Variants in BNIP3 observed in about 807,000 individuals in gnomAD.
BNIP3 encodes the protein BCL2 interacting protein 3, also known as BCL2/adenovirus E1B 19 kDa protein-interacting protein 3.
A neutral mutation model predicts 23.9 loss-of-function variants in BNIP3; 16 were observed. The ratio of observed to expected loss-of-function variants is 0.67; its 90% CI spans 0.45 to 1.01. The LOEUF (loss-of-function observed/expected upper bound fraction) is 1.01, where lower values mean the gene tolerates loss of function less well. BNIP3 is among the 50% of genes least tolerant of loss of function. BNIP3 has a pLI of 0.00. For missense variants in BNIP3, 198 were observed against 248.7 expected (o/e 0.80, Z 1.37); for synonymous variants, 81 against 89.3 (o/e 0.91, Z 0.53).
Position 131,970,824 on chromosome 10 carries a change from C to G in BNIP3, c.390-37G>C, listed in dbSNP as rs374254868. The G allele has an allele frequency of 4.0e-5, 65 of 1,614,252 alleles. No homozygotes were observed. In the African/African-American group the frequency reaches 6.0e-4, roughly 15 times the overall value. ...AGAAACGTGTCAGCTGATGTGTCCT[C>G]TGTCAAGGGGTGCCCCCGTGACACT... On this transcript the variant is annotated intron_variant, in intron 4 of 5. Coordinates refer to ENST00000368636, the MANE Select transcript of BNIP3 (RefSeq NM_004052.4). The surrounding 1 kb of genome is among the most constrained non-coding windows in gnomAD (Gnocchi z 4.1).
chr10:131,973,055 A>C lies in BNIP3; in HGVS notation c.261T>G (p.Ile87Met). 6.2e-7 allele frequency: 1 copy of C among 1,613,424 alleles called. No individual in the cohort carries two copies. Among genetic ancestry groups the C allele is most frequent in the Non-Finnish European group, 8.5e-7 (1 of 1,179,546 alleles). Residue 87 changes from isoleucine (I) to methionine (M), a missense_variant, in exon 3 of 6, where the codon ATT becomes ATG. Transcript: ENST00000368636. ...TTACCTGTGAGCTGTTTTTCTCTCCAATGCTATGGGTATCTGTTTCAGAAG... is the reference window on the plus strand; with the variant it reads ...TTACCTGTGAGCTGTTTTTCTCTCCCATGCTATGGGTATCTGTTTCAGAAG... ...NRASETDTHS[I>M]GEKNSSQSEE...
chr10:131,978,739 T>C (rs1264740141), intron 1 of BNIP3, among the ~76,000 whole-genome samples: 1 of 151,816 alleles, frequency 6.6e-6, no homozygotes, highest in African/African-American at 2.4e-5. Context: ...TCCAGGCAAA[T>C]AGATTGAAAA....
intron 1 of BNIP3, among the ~76,000 whole-genome samples, chr10:131,978,469 C>A (rs928666325): frequency 1.3e-5 from 2 of 152,110 alleles, no homozygotes; most frequent in African/African-American, 4.8e-5. Flanking sequence ...CAGGGAATCC[C>A]TTCGATTCAC....
rs2037084102 is a variant in BNIP3, at chr10:131,977,157, T to C, written c.47-3214A>G. ...CGTGGTGGGCGCCTGTAATCCCAGC[T>C]ACTCGGGAAGCTGAGGCAGAAGAAT... On this transcript the variant is annotated intron_variant, in intron 1 of 5. Transcript: ENST00000368636. Among the ~76,000 whole-genome samples the C allele has an allele frequency of 4.6e-5, 7 of 151,886 alleles. No individual in the cohort carries two copies. The South Asian group carries it at 1.5e-3, about 32-fold the overall frequency.
At chr10:131,972,514 G>A (rs770313974) in intron 3 of BNIP3, among the ~76,000 whole-genome samples, 7 of 152,204 alleles carry the variant, frequency 4.6e-5, no homozygotes, top group Non-Finnish European at 8.8e-5. Flanking sequence ...TGTAATTTCC[G>A]GCAGGTAGTG....
intron 3 of BNIP3, chr10:131,971,229 A>G: frequency 2.1e-6 from 1 of 487,254 alleles, no homozygotes. Flanking sequence ...GCGTAAATAC[A>G]TTTGGTTCAC....
chr10:131,969,753 G>C (rs1461494093), intron 5 of BNIP3: 1 of 152,146 alleles, frequency 6.6e-6, no homozygotes, highest in Non-Finnish European at 1.5e-5. Flanking sequence ...CCTCCTCCCC[G>C]CTGAGAGGCT....
rs2037121816 is a variant in BNIP3 at position 131,981,833 on chromosome 10, G to A, written c.-27C>T. 5.5e-6 allele frequency: 8 copies of A among 1,441,468 alleles called. No homozygotes were observed. The highest frequency in any genetic ancestry group is 3.0e-5 in the East Asian group (1 of 33,664). 89.3% of individuals were successfully genotyped at this position (1,441,468 alleles called of 1,614,324 possible). A position where few individuals can be genotyped will look rare whatever the true frequency, so the allele number is the denominator to read the frequency against. On this transcript the variant is annotated 5_prime_UTR_variant, in exon 1 of 6. Coordinates refer to ENST00000368636, the MANE Select transcript of BNIP3 (RefSeq NM_004052.4). The stretch of plus-strand genomic sequence containing the variant: ...GCGCCAGAGGGCAACTGCGGCGATC[G>A]GAGTCCGCGCCGGGCTGCGGGATGT...
Position 131,968,539 on chromosome 10 carries a change from G to A in BNIP3, c.570C>T (p.Ser190=), listed in dbSNP as rs1424268536. Residue 190 remains serine, a synonymous_variant, in exon 6 of 6, where the codon TCC becomes TCT. Coordinates refer to ENST00000368636, the MANE Select transcript of BNIP3 (RefSeq NM_004052.4). ...GIYIGRRLTT[S]TSTF is the part of the protein sequence containing the mutation. ...CAGTTCTTCATCAAAAGGTGCTGGT[G>A]GAGGTTGTCAGACGCCTTCCAATAT... The A allele has an allele frequency of 2.2e-5, 35 of 1,601,578 alleles. No individual in the cohort carries two copies. The East Asian group carries it at 7.8e-4, about 36-fold the overall frequency.
At chr10:131,977,206 T>G (rs1197711386) in intron 1 of BNIP3, among the ~76,000 whole-genome samples, 5 of 151,062 alleles carry the variant, frequency 3.3e-5, no homozygotes, top group African/African-American at 1.2e-4. Context: ...GAGGGGGAGG[T>G]TGCAGTGAGC....
chr10:131,973,026 C>T lies in BNIP3; in HGVS notation c.282+8G>A, dbSNP rs1374169314. 2 of 1,610,552 alleles carry T rather than the reference C, an allele frequency of 1.2e-6. No individual in the cohort carries two copies. The highest frequency in any genetic ancestry group is 1.7e-4 in the Middle Eastern group (1 of 6,060). On this transcript the variant is annotated splice_region_variant and intron_variant, in intron 3 of 5. Transcript: ENST00000368636. ...CTTTTACAACTGCACATTCTCCTTC[C>T]AGCTTACCTGTGAGCTGTTTTTCTC...
At chr10:131,981,521 C>A (rs762559884) in intron 1 of BNIP3, among the ~76,000 whole-genome samples, 1 of 152,214 alleles carries the variant, frequency 6.6e-6, no homozygotes, top group Non-Finnish European at 1.5e-5. Flanking sequence ...CGACCCGGGT[C>A]CAAGCCAACC....
At chr10:131,975,173 C>T (rs892643288) in intron 1 of BNIP3, among the ~76,000 whole-genome samples, 7 of 152,170 alleles carry the variant, frequency 4.6e-5, no homozygotes. Flanking sequence ...ATTAATTTTC[C>T]CATTGATGTG....
At chr10:131,979,697 G>C (rs1426185035) in intron 1 of BNIP3, among the ~76,000 whole-genome samples, 2 of 152,126 alleles carry the variant, frequency 1.3e-5, no homozygotes, top group Non-Finnish European at 2.9e-5. Flanking sequence ...GGACAAATAC[G>C]AGCATCCTGC....
chr10:131,972,849 T>C (rs1486389270), intron 3 of BNIP3, among the ~76,000 whole-genome samples, 185 bp downstream of exon 3: 2 of 152,184 alleles, frequency 1.3e-5, no homozygotes, highest in Non-Finnish European at 2.9e-5. Flanking sequence ...GTCCAGCCCA[T>C]GTGCTTGTGG....
intron 1 of BNIP3, among the ~76,000 whole-genome samples, chr10:131,979,017 C>T (rs2037099271): frequency 6.6e-6 from 1 of 152,202 alleles, no homozygotes; most frequent in Admixed American, 6.5e-5. Flanking sequence ...TCCAACGGGG[C>T]TCGTTTCCCT....
rs1251751537 is a variant in BNIP3, at chr10:131,976,341, C to T, written c.47-2398G>A. 6.6e-6 allele frequency among the ~76,000 whole-genome samples: 1 copy of T among 152,128 alleles called. No homozygotes were observed. Among genetic ancestry groups the T allele is most frequent in the African/African-American group, 2.4e-5 (1 of 41,410 alleles). On this transcript the variant is annotated intron_variant, in intron 1 of 5. Coordinates refer to ENST00000368636, the MANE Select transcript of BNIP3 (RefSeq NM_004052.4). The surrounding 1 kb of genome is among the most constrained non-coding windows in gnomAD (Gnocchi z 4.3). ...ACCGGGGTGTCCAACGATTCAATTC[C>T]ATTCTATCTACCTAGACTTAGTGTG... is the stretch of plus-strand genomic sequence containing the variant.
chr10:131,980,956 C>CCCACCGGGTGGGGTGGGTCTCCACG (rs2037114359), intron 1 of BNIP3: 1 of 151,636 alleles, frequency 6.6e-6, no homozygotes, highest in Non-Finnish European at 1.5e-5. Flanking sequence ...CTGACGCGGA[C>CCCACCGGGTGGGGTGGGTCTCCACG]CCACCGGGTG....
chr10:131,973,787 GCCTA>G lies in BNIP3; in HGVS notation c.197+2_197+5del. The G allele has an allele frequency of 6.2e-7, 1 of 1,612,008 alleles. No homozygotes were observed. Among genetic ancestry groups the G allele is most frequent in the Non-Finnish European group, 8.5e-7 (1 of 1,179,876 alleles). On this transcript the variant is annotated splice_donor_variant and splice_donor_5th_base_variant and intron_variant, in intron 2 of 5. Coordinates refer to ENST00000368636, the MANE Select transcript of BNIP3 (RefSeq NM_004052.4). LOFTEE classifies it high-confidence loss of function. ...GTAACACATACACTTGTTGATGCGC[GCCTA>G]CCTGTCACAGTGAGAGCTCTTGGAG...
Sources: gnomAD v4.1 joint callset for allele counts (sites outside exome capture counted in the v4.1 genomes callset) on GRCh38, gnomAD v4.1.1 for gene constraint, Gnocchi (gnomAD v3.1) non-coding constraint, MANE v1.5 for transcripts, NCBI Gene and HGNC (gene_info 2026-07-23, HGNC 2026-07-21) for gene names.